Variants in SCN10A observed in about 807,000 individuals in gnomAD.
The protein encoded by SCN10A is sodium channel protein type 10 subunit alpha.
In SCN10A, 162 loss-of-function variants were observed where a neutral mutation model predicts 170.7. The ratio of observed to expected loss-of-function variants is 0.95; its 90% CI spans 0.84 to 1.08. The LOEUF (loss-of-function observed/expected upper bound fraction) is 1.08. Among genes scored for constraint, SCN10A ranks in the 50% least tolerant of loss-of-function variants. The probability of loss-of-function intolerance (pLI) is 0.00; values close to 1 mark genes in which losing one functional copy is unlikely to be tolerated. For missense variants in SCN10A, 2,527 were observed against 2,436.9 expected, an observed-to-expected ratio of 1.04 and a Z score of -0.78; for synonymous variants, 985 against 904.6, an observed-to-expected ratio of 1.09 and a Z score of -1.59.
chr3:38,725,015 T>G (rs1221996129), intron 18 of SCN10A, among the ~76,000 whole-genome samples, 159 bp downstream of exon 18: 1 of 152,018 alleles, frequency 6.6e-6, no homozygotes, highest in Non-Finnish European at 1.5e-5. Flanking sequence ...TAGCCGGAGG[T>G]TGGGAGGGAC....
Position 38,723,429 on chromosome 3 carries a change from CCTT to C in SCN10A, c.3350_3352del (p.Glu1117del). 6.2e-7 allele frequency: 1 copy of C among 1,614,178 alleles called. No homozygotes were observed. ...GAGGGGGCCTGTGGCTGTCCCTTCA[CCTT>C]CTGTGAAGCAGTCATCTGGTTCTTC... is the stretch of plus-strand genomic sequence containing the variant. On this transcript the variant is annotated inframe_deletion and splice_region_variant, in exon 19 of 28. Transcript: ENST00000449082.
intron 13 of SCN10A, among the ~76,000 whole-genome samples, chr3:38,749,103 A>G (rs2063722165): frequency 6.6e-6 from 1 of 152,196 alleles, no homozygotes; most frequent in African/African-American, 2.4e-5. Flanking sequence ...AAGGCTTGCC[A>G]CCTCTGGCTT....
rs372539263 is a variant in SCN10A, at chr3:38,742,745, G to A, written c.1868-216C>T. On this transcript the variant is annotated intron_variant, in intron 13 of 27. Transcript: ENST00000449082. ...TCTGCCCCATCCAGTCCTTTAAACT[G>A]CTGACATTACATATTTTTACTGCCC... Among the ~76,000 whole-genome samples the A allele has an allele frequency of 2.6e-5, 4 of 152,224 alleles. No homozygotes were observed. In the South Asian group the frequency reaches 8.3e-4, roughly 32 times the overall value.
intron 5 of SCN10A, 105 bp from the exon 6 acceptor site, chr3:38,763,701 A>G (rs1351691533): frequency 8.9e-6 from 7 of 785,470 alleles, no homozygotes; most frequent in Non-Finnish European, 1.5e-5. Context: ...GAAAGGATGC[A>G]GAATGGACAC....
At position 38,712,830 on chromosome 3, in the gene SCN10A, T is replaced by C. The variant is rs191878936; in HGVS notation, c.3805-385A>G. On this transcript the variant is annotated intron_variant, in intron 22 of 27. Transcript: ENST00000449082. ...CACAATTTAAATACAATTTAAAGTATGCCGTGGTCAAGAACCAGTGAAAAC... is the reference window on the plus strand; with the variant it reads ...CACAATTTAAATACAATTTAAAGTACGCCGTGGTCAAGAACCAGTGAAAAC... Among the ~76,000 whole-genome samples the C allele has an allele frequency of 4.7e-3, 712 of 152,328 alleles. 2 individuals are homozygous for C. The highest frequency in any genetic ancestry group is 7.5e-3 in the Non-Finnish European group (508 of 68,024).
intron 12 of SCN10A, 113 bp downstream of exon 12, chr3:38,752,106 A>C: frequency 1.1e-6 from 1 of 916,742 alleles, no homozygotes; most frequent in Non-Finnish European, 1.6e-6. Flanking sequence ...ATGGGGAGGC[A>C]TTGGACAGGA....
intron 15 of SCN10A, among the ~76,000 whole-genome samples, chr3:38,735,931 A>G (rs2063555829): frequency 6.6e-6 from 1 of 152,052 alleles, no homozygotes; most frequent in African/African-American, 2.4e-5. Context: ...TAGACAAGAA[A>G]CTCTGGTTTT....
rs1440527140 is a variant in SCN10A at position 38,793,828 on chromosome 3, G to C, written c.183C>G (p.Asn61Lys). 6.2e-7 allele frequency: 1 copy of C among 1,614,018 alleles called. No homozygotes were observed. Among genetic ancestry groups the C allele is most frequent in the South Asian group, 1.1e-5 (1 of 91,078 alleles). The change falls in exon 2 of 28, where the codon AAC (asparagine) becomes AAG (lysine). Residue 61 changes from asparagine (N) to lysine (K), a missense_variant. By Grantham distance (94) the Asn-to-Lys change is moderately conservative. Coordinates refer to ENST00000449082, the MANE Select transcript of SCN10A (RefSeq NM_006514.4). ...GCTCACCATAGAACTTGGGCAGCTG[G>C]TTGCAGGCTTTCAAGTCCAGCTGGG... is the stretch of plus-strand genomic sequence containing the variant. Reference protein sequence around the residue: ...PRPQLDLKACNQLPKFYGELP... With the variant: ...PRPQLDLKACKQLPKFYGELP...
chr3:38,801,279 C>T (rs1232649318), intron 1 of SCN10A, among the ~76,000 whole-genome samples: 1 of 152,158 alleles, frequency 6.6e-6, no homozygotes, highest in Non-Finnish European at 1.5e-5. Context: ...ACAGTAACAA[C>T]AGCACCTCAT....
chr3:38,712,119 C>A (rs373090978), intron 23 of SCN10A, 42 bp downstream of exon 23: 1 of 1,593,726 alleles, frequency 6.3e-7, no homozygotes, highest in South Asian at 1.1e-5. Flanking sequence ...TTTTATTGAG[C>A]GGCCAAAGCA....
At chr3:38,798,481 T>C (rs1217542582) in intron 1 of SCN10A, among the ~76,000 whole-genome samples, 2 of 151,990 alleles carry the variant, frequency 1.3e-5, no homozygotes, top group Admixed American at 1.3e-4. Flanking sequence ...TATTTTAGAG[T>C]CTAGTTGAAT....
At chr3:38,780,279 T>C (rs1342571174) in intron 4 of SCN10A, among the ~76,000 whole-genome samples, 3 of 152,074 alleles carry the variant, frequency 2.0e-5, no homozygotes, top group Non-Finnish European at 2.9e-5. Context: ...CTTTCTCTGA[T>C]ATTAAAATCA....
At chr3:38,710,555 G>A (rs1329331098) in intron 24 of SCN10A, among the ~76,000 whole-genome samples, 1 of 152,126 alleles carries the variant, frequency 6.6e-6, no homozygotes, top group South Asian at 2.1e-4. Context: ...CTTGTCCAGG[G>A]AGTGGCTCAC....
chr3:38,812,298 G>A (rs1173642610), intron 1 of SCN10A, among the ~76,000 whole-genome samples: 1 of 152,118 alleles, frequency 6.6e-6, no homozygotes, highest in African/African-American at 2.4e-5. Flanking sequence ...ACCCATTTCT[G>A]CAGAGAAGCC....
At chr3:38,765,145 C>A (rs758848166) in intron 5 of SCN10A, among the ~76,000 whole-genome samples, 4 of 152,254 alleles carry the variant, frequency 2.6e-5, no homozygotes, top group Middle Eastern at 3.4e-3. Flanking sequence ...AAAGATTTTT[C>A]TCTCATCCTA....
At chr3:38,787,954 A>T (rs2064228394) in intron 4 of SCN10A, among the ~76,000 whole-genome samples, 2 of 151,712 alleles carry the variant, frequency 1.3e-5, no homozygotes, top group Admixed American at 1.3e-4. Context: ...GCTGAGAATG[A>T]TGGTTTCCAG....
intron 8 of SCN10A, among the ~76,000 whole-genome samples, chr3:38,758,404 G>A (rs1359628485): frequency 6.6e-6 from 1 of 152,212 alleles, no homozygotes; most frequent in African/African-American, 2.4e-5. Flanking sequence ...TCACTGCTCT[G>A]AGGATTAAAT....
chr3:38,789,262 A>G (rs1458249865), intron 3 of SCN10A, among the ~76,000 whole-genome samples: 1 of 152,168 alleles, frequency 6.6e-6, no homozygotes, highest in Non-Finnish European at 1.5e-5. Context: ...AAATATCTAC[A>G]TTTTGAAGCT....
intron 26 of SCN10A, among the ~76,000 whole-genome samples, chr3:38,703,635 T>C (rs1157493121): frequency 6.6e-6 from 1 of 152,268 alleles, no homozygotes; most frequent in Non-Finnish European, 1.5e-5. Flanking sequence ...GTCTCCACCA[T>C]GCCTTACATT....
Sources: allele counts gnomAD v4.1 joint callset (sites outside exome capture counted in the v4.1 genomes callset), GRCh38; gene constraint gnomAD v4.1.1; transcripts MANE v1.5; gene names NCBI Gene and HGNC (gene_info 2026-07-23, HGNC 2026-07-21).